SEMA3E: variants seen among roughly 807,000 people sequenced by gnomAD.
SEMA3E encodes semaphorin 3E, also known as semaphorin-3E.
A neutral mutation model predicts 93.6 loss-of-function variants in SEMA3E; 49 were observed. That is an observed-to-expected ratio of 0.52 (90% CI 0.42 to 0.66). The LOEUF is 0.66. SEMA3E is among the 30% of genes least tolerant of loss of function. The pLI is 0.00. For missense variants in SEMA3E, 906 were observed against 964.8 expected (o/e 0.94, Z 0.81); for synonymous variants, 363 against 330.7 (o/e 1.10, Z -1.06).
At chr7:83,635,491 C>A (rs1199388617) in intron 1 of SEMA3E, among the ~76,000 whole-genome samples, 1 of 151,422 alleles carries the variant, frequency 6.6e-6, no homozygotes, top group Non-Finnish European at 1.5e-5. Flanking sequence ...CTTAATATGA[C>A]ATTTCTATTT....
At chr7:83,530,022 TACTC>T (rs1337963716) in intron 1 of SEMA3E, among the ~76,000 whole-genome samples, 2 of 152,206 alleles carry the variant, frequency 1.3e-5, no homozygotes, top group Admixed American at 6.5e-5. Flanking sequence ...GTTCAAATTT[TACTC>T]AATCATATTT....
intron 5 of SEMA3E, among the ~76,000 whole-genome samples, chr7:83,417,538 T>C (rs1022494229): frequency 5.9e-5 from 9 of 152,130 alleles, no homozygotes; most frequent in African/African-American, 2.2e-4. Flanking sequence ...ATTATAAATG[T>C]AATAATGCAA....
At chr7:83,606,505 C>T (rs980017503) in intron 1 of SEMA3E, among the ~76,000 whole-genome samples, 46 of 147,804 alleles carry the variant, frequency 3.1e-4, no homozygotes, top group Non-Finnish European at 4.9e-4. Flanking sequence ...AGTAAACTAT[C>T]GCAAGAACAA....
intron 4 of SEMA3E, among the ~76,000 whole-genome samples, chr7:83,445,554 C>G (rs1041756846): frequency 6.6e-6 from 1 of 151,932 alleles, no homozygotes; most frequent in African/African-American, 2.4e-5. Context: ...CCCGTCCCTA[C>G]TAATAATACA....
chr7:83,620,485 TA>T (rs990386808), intron 1 of SEMA3E, among the ~76,000 whole-genome samples: 4 of 152,104 alleles, frequency 2.6e-5, no homozygotes, highest in Non-Finnish European at 5.9e-5. Context: ...GAATCTTTCC[TA>T]ATTCATTTTA....
At chr7:83,595,015 C>T (rs370510251) in intron 1 of SEMA3E, among the ~76,000 whole-genome samples, 5 of 151,040 alleles carry the variant, frequency 3.3e-5, no homozygotes, top group East Asian at 3.9e-4. Flanking sequence ...TTTCCCTGGA[C>T]ATTAGTGATA....
At chr7:83,552,300 T>A (rs1279737983) in intron 1 of SEMA3E, among the ~76,000 whole-genome samples, 1 of 152,210 alleles carries the variant, frequency 6.6e-6, no homozygotes, top group Non-Finnish European at 1.5e-5. Flanking sequence ...CTTATGCCTG[T>A]CTTTACTTTT....
chr7:83,374,384 C>A (rs1584199928), intron 16 of SEMA3E, among the ~76,000 whole-genome samples: 1 of 152,112 alleles, frequency 6.6e-6, no homozygotes, highest in Non-Finnish European at 1.5e-5. Flanking sequence ...GCACAGATAT[C>A]CTGAGAGCAA....
chr7:83,464,233 A>G (rs1174986219), intron 4 of SEMA3E, among the ~76,000 whole-genome samples: 2 of 151,848 alleles, frequency 1.3e-5, no homozygotes, highest in African/African-American at 4.8e-5. Context: ...AGGACTGGAC[A>G]ATACTTTTAC....
At chr7:83,523,433 A>C (rs1467809465) in intron 1 of SEMA3E, among the ~76,000 whole-genome samples, 1 of 152,168 alleles carries the variant, frequency 6.6e-6, no homozygotes, top group African/African-American at 2.4e-5. Flanking sequence ...TTTCATTTTT[A>C]ATGGATAAAA....
At chr7:83,403,779 G>A (rs1788276139) in intron 9 of SEMA3E, among the ~76,000 whole-genome samples, 1 of 151,816 alleles carries the variant, frequency 6.6e-6, no homozygotes, top group African/African-American at 2.4e-5. Flanking sequence ...TGAAGCAATT[G>A]GAAATGCCTG....
chr7:83,603,736 C>A (rs1485048851), intron 1 of SEMA3E, among the ~76,000 whole-genome samples: 2 of 152,090 alleles, frequency 1.3e-5, no homozygotes, highest in African/African-American at 4.8e-5. Flanking sequence ...ACATTCTAAC[C>A]TTTAAGCCAT....
intron 1 of SEMA3E, among the ~76,000 whole-genome samples, chr7:83,623,779 A>C (rs1433779896): frequency 6.6e-6 from 1 of 151,830 alleles, no homozygotes; most frequent in Non-Finnish European, 1.5e-5. Flanking sequence ...CATAATGTGC[A>C]GTTTATTACA....
At chr7:83,385,557 A>T (rs1262115094) in intron 15 of SEMA3E, 124 bp from the exon 16 acceptor site, 6 of 1,060,694 alleles carry the variant, frequency 5.7e-6, no homozygotes, top group Non-Finnish European at 8.6e-6. Context: ...ATTTCTGCAA[A>T]AGGTAATTTA....
chr7:83,384,074 T>C (rs1562755077), intron 16 of SEMA3E, among the ~76,000 whole-genome samples: 1 of 152,032 alleles, frequency 6.6e-6, no homozygotes, highest in African/African-American at 2.4e-5. Flanking sequence ...TCTATATTAT[T>C]TCTAATAGCC....
chr7:83,542,482 C>T (rs951411666), intron 1 of SEMA3E, among the ~76,000 whole-genome samples: 4 of 151,954 alleles, frequency 2.6e-5, no homozygotes, highest in Admixed American at 1.3e-4. Flanking sequence ...CAAAGTCTTA[C>T]AATTTAAAAT....
Position 83,445,330 on chromosome 7 carries a change from T to C in SEMA3E, c.456+21152A>G, listed in dbSNP as rs142979125. Among the ~76,000 whole-genome samples the C allele has an allele frequency of 2.7e-3, 414 of 152,274 alleles. 3 individuals are homozygous for C. The highest frequency in any genetic ancestry group is 9.3e-3 in the African/African-American group (388 of 41,558). ...ATTTTTATTTCAGAATAGAGAACTCTAAAACATTTTTATATTCTGGAAGGT... is the reference window on the plus strand; with the variant it reads ...ATTTTTATTTCAGAATAGAGAACTCCAAAACATTTTTATATTCTGGAAGGT... On this transcript the variant is annotated intron_variant, in intron 4 of 16. Coordinates refer to ENST00000643230, the MANE Select transcript of SEMA3E (RefSeq NM_012431.3).
At chr7:83,449,037 A>T (rs1175299969) in intron 4 of SEMA3E, among the ~76,000 whole-genome samples, 3 of 151,994 alleles carry the variant, frequency 2.0e-5, no homozygotes, top group Non-Finnish European at 4.4e-5. Context: ...TATAACTTAC[A>T]GTTTAGGTTT....
At chr7:83,458,817 C>T (rs922528210) in intron 4 of SEMA3E, among the ~76,000 whole-genome samples, 5 of 148,966 alleles carry the variant, frequency 3.4e-5, no homozygotes, top group African/African-American at 1.2e-4. Flanking sequence ...TAGATCAATG[C>T]CTAGAAGTCT....
Sources: allele counts gnomAD v4.1 joint callset (sites outside exome capture counted in the v4.1 genomes callset), GRCh38; gene constraint gnomAD v4.1.1; transcripts MANE v1.5; gene names NCBI Gene and HGNC (gene_info 2026-07-23, HGNC 2026-07-21).